The following NXPE4 variants were observed in gnomAD, a reference collection of about 807,000 sequenced individuals.
The protein encoded by NXPE4 is NXPE family member 4.
Under a neutral mutation model 33.3 loss-of-function variants are expected in NXPE4, and 42 were observed. That is an observed-to-expected ratio of 1.26 (90% CI 0.98 to 1.63). The LOEUF (loss-of-function observed/expected upper bound fraction) is 1.63, where lower values mean the gene tolerates loss of function less well. NXPE4 is among the 40% of genes most tolerant of loss of function. NXPE4 has a pLI of 0.00. For missense variants in NXPE4, 709 were observed against 647.6 expected, an observed-to-expected ratio of 1.09 and a Z score of -1.03; for synonymous variants, 253 against 234.9, an observed-to-expected ratio of 1.08 and a Z score of -0.71.
Position 114,589,264 on chromosome 11 carries a change from T to C in NXPE4, c.96+5400A>G, listed in dbSNP as rs182659035. On this transcript the variant is annotated intron_variant, in intron 2 of 5. Coordinates refer to ENST00000375478, the MANE Select transcript of NXPE4 (RefSeq NM_001077639.2). ...ATGGTCCAGCAGGACTGATGGGTCC[T>C]GGTGCTCAAGCCCTGGCTCCAGTGG... Among the ~76,000 whole-genome samples, 69 of 152,252 alleles carry C rather than the reference T, an allele frequency of 4.5e-4. 1 individual carries two copies. The East Asian group carries it at 8.1e-3, about 18-fold the overall frequency.
At chr11:114,676,558 G>T in the NXPE4 span, among the ~76,000 whole-genome samples, 1 of 151,958 alleles carries the variant, frequency 6.6e-6, no homozygotes, top group African/African-American at 2.4e-5. Flanking sequence ...ACTACAATGA[G>T]AGATTACCTC....
chr11:114,658,496 G>C, the NXPE4 span, among the ~76,000 whole-genome samples: 2 of 152,102 alleles, frequency 1.3e-5, no homozygotes, highest in African/African-American at 4.8e-5. Flanking sequence ...ACTAATGCAG[G>C]CCTGGAGGGG....
the NXPE4 span, among the ~76,000 whole-genome samples, chr11:114,670,698 T>A: frequency 6.6e-6 from 1 of 151,784 alleles, no homozygotes; most frequent in African/African-American, 2.4e-5. Context: ...TCTCTATAAA[T>A]AAATAAATAA....
upstream of NXPE4, among the ~76,000 whole-genome samples, chr11:114,597,361 A>G (rs544570424): frequency 5.5e-4 from 84 of 152,352 alleles, no homozygotes; most frequent in Non-Finnish European, 1.1e-3. Context: ...CCAGGGGTGG[A>G]CAAACTTTTT....
the NXPE4 span, among the ~76,000 whole-genome samples, chr11:114,619,055 G>C: frequency 8.6e-5 from 13 of 151,888 alleles, no homozygotes; most frequent in Admixed American, 7.2e-4. Context: ...GGTAACCACT[G>C]TTACCTGGTG....
chr11:114,674,090 AAAACAAACAAACAAAC>A, the NXPE4 span, among the ~76,000 whole-genome samples: 3 of 131,778 alleles, frequency 2.3e-5, no homozygotes, highest in South Asian at 2.4e-4. Flanking sequence ...ACATTGTTTA[AAAACAAACAAACAAAC>A]AAACAAACAA....
chr11:114,573,515 T>C (rs1948936286), intron 5 of NXPE4, among the ~76,000 whole-genome samples: 1 of 151,918 alleles, frequency 6.6e-6, no homozygotes, highest in African/African-American at 2.4e-5. Context: ...GGTAAAGGGG[T>C]GGAAAAAGAT....
the NXPE4 span, among the ~76,000 whole-genome samples, chr11:114,670,213 A>G: frequency 6.6e-6 from 1 of 151,922 alleles, no homozygotes; most frequent in Non-Finnish European, 1.5e-5. Context: ...TCCATTAGGT[A>G]TGATAACAAC....
the NXPE4 span, among the ~76,000 whole-genome samples, chr11:114,602,030 A>C: frequency 2.2e-5 from 2 of 90,380 alleles, no homozygotes; most frequent in Non-Finnish European, 3.8e-5. Flanking sequence ...AATATATGTT[A>C]TACTATATAA....
upstream of NXPE4, among the ~76,000 whole-genome samples, chr11:114,596,180 G>T (rs921046640): frequency 6.6e-6 from 1 of 152,150 alleles, no homozygotes; most frequent in African/African-American, 2.4e-5. Context: ...AATACAATTT[G>T]CTGAATTGAA....
Position 114,582,582 on chromosome 11 carries a change from A to G in NXPE4, c.536T>C (p.Leu179Pro), listed in dbSNP as rs1034598429. The stretch of plus-strand genomic sequence containing the variant: ...CCCTTCACTGGGGTGGATGAGCAGC[A>G]GAGACAGAGAGACCTGGCCCTCCCA... ...LFWEGQVSLS[L>P]LLIHPSEGVS... Residue 179 changes from leucine (L) to proline (P), a missense_variant, in exon 3 of 6, where the codon CTG becomes CCG. By Grantham distance (98) the Leu-to-Pro change is moderately conservative. Coordinates refer to ENST00000375478, the MANE Select transcript of NXPE4 (RefSeq NM_001077639.2). 1 of 1,614,074 alleles carries G rather than the reference A, an allele frequency of 6.2e-7. No homozygotes were observed. The highest frequency in any genetic ancestry group is 1.3e-5 in the African/African-American group (1 of 74,946).
At chr11:114,676,521 C>T in the NXPE4 span, among the ~76,000 whole-genome samples, 14,004 of 151,992 alleles carry the variant, frequency 0.092, 763 homozygotes, top group Middle Eastern at 0.2. Flanking sequence ...TCAAGCCTCA[C>T]TAATCATCAG....
chr11:114,619,131 T>C, the NXPE4 span, among the ~76,000 whole-genome samples: 1 of 152,072 alleles, frequency 6.6e-6, no homozygotes. Flanking sequence ...GCCTCGTGGG[T>C]AACCACTGTT....
At chr11:114,578,458 C>T (rs1949064426) in intron 5 of NXPE4, among the ~76,000 whole-genome samples, 1 of 152,152 alleles carries the variant, frequency 6.6e-6, no homozygotes, top group African/African-American at 2.4e-5. Flanking sequence ...TTACTAGACC[C>T]TGAATTTTGT....
the NXPE4 span, among the ~76,000 whole-genome samples, chr11:114,632,464 T>C: frequency 7.7e-6 from 1 of 129,102 alleles, no homozygotes; most frequent in African/African-American, 2.8e-5. Context: ...GAGTTATACA[T>C]TATATATACT....
rs1295011526 is a variant in NXPE4 at position 114,582,892 on chromosome 11, T to C, written c.226A>G (p.Ile76Val). ...GGGATCTGCTGATCTAGTTTCTCTA[T>C]GATTTCCTTTATTCTGAGTTCAGTC... ...TETELRIKEI[I>V]EKLDQQIPPR... Residue 76 changes from isoleucine to valine, a missense_variant, in exon 3 of 6, where the codon ATA becomes GTA. Ile to Val is a conservative substitution (Grantham distance 29). Coordinates refer to ENST00000375478, the MANE Select transcript of NXPE4 (RefSeq NM_001077639.2). 1.2e-6 allele frequency: 2 copies of C among 1,614,178 alleles called. No individual in the cohort carries two copies. The highest frequency in any genetic ancestry group is 2.2e-5 in the East Asian group (1 of 44,876).
At chr11:114,632,206 T>C in the NXPE4 span, among the ~76,000 whole-genome samples, 744 of 141,358 alleles carry the variant, frequency 5.3e-3, 8 homozygotes, top group Non-Finnish European at 7.7e-3. Flanking sequence ...ATATACATAT[T>C]ATATATGTAT....
chr11:114,601,804 A>C, the NXPE4 span, among the ~76,000 whole-genome samples: 2 of 74,624 alleles, frequency 2.7e-5, no homozygotes. Context: ...ATATGATTAT[A>C]TATTATATAA....
chr11:114,651,516 A>T, the NXPE4 span, among the ~76,000 whole-genome samples: 2,075 of 152,346 alleles, frequency 0.014, 34 homozygotes, highest in African/African-American at 0.047. Flanking sequence ...AACCTGCCAC[A>T]GCATGGAAGA....
Sources: allele counts gnomAD v4.1 joint callset (sites outside exome capture counted in the v4.1 genomes callset), GRCh38; gene constraint gnomAD v4.1.1; transcripts MANE v1.5; gene names NCBI Gene and HGNC (gene_info 2026-07-23, HGNC 2026-07-21).